Variants in HSPH1 observed in about 807,000 individuals in gnomAD.
HSPH1 encodes heat shock protein family H (Hsp110) member 1, also known as heat shock protein 105 kDa.
HSPH1 carries 40 observed loss-of-function variants against 100.0 expected under a neutral mutation model. The observed-to-expected ratio is 0.40, with a 90% confidence interval of 0.31 to 0.52. The LOEUF is 0.52. Among genes scored for constraint, HSPH1 ranks in the 20% least tolerant of loss-of-function variants. The pLI is 0.54. For missense variants in HSPH1, 876 were observed against 1,015.1 expected (o/e 0.86, Z 1.86); for synonymous variants, 403 against 344.0 (o/e 1.17, Z -1.90).
At chr13:31,151,536 TAA>T in intron 6 of HSPH1, 71 bp downstream of exon 6, 1 of 1,397,980 alleles carries the variant, frequency 7.2e-7, no homozygotes, top group Non-Finnish European at 9.7e-7. Context: ...AAAAGCCTAG[TAA>T]AGAGGCTCAG....
chr13:31,140,072 C>G (rs1244926130), intron 14 of HSPH1, 112 bp downstream of exon 14: 1 of 1,084,456 alleles, frequency 9.2e-7, no homozygotes, highest in African/African-American at 1.6e-5. Flanking sequence ...TTTTCTGTTT[C>G]TAAAAAGTTT....
In HSPH1 at chr13:31,148,483, TAAAAAA is replaced by T; in HGVS notation, c.1138-9_1138-4del. On this transcript the variant is annotated splice_polypyrimidine_tract_variant and splice_region_variant and intron_variant, in intron 8 of 17. Coordinates refer to ENST00000320027, the MANE Select transcript of HSPH1 (RefSeq NM_006644.4). ...AATGCCGGGGAAAGTATTGCACACT[TAAAAAA>T]AAAAAAAAAAATCATGAGCACATGA... is the stretch of plus-strand genomic sequence containing the variant. 4 of 985,042 alleles carry T rather than the reference TAAAAAA, an allele frequency of 4.1e-6. No homozygotes were observed. Among genetic ancestry groups the T allele is most frequent in the Non-Finnish European group, 5.5e-6 (4 of 727,140 alleles). 61.0% of individuals were successfully genotyped at this position (985,042 alleles called of 1,614,324 possible).
chr13:31,155,749 C>G, intron 2 of HSPH1, 95 bp from the exon 3 acceptor site: 1 of 1,098,852 alleles, frequency 9.1e-7, no homozygotes, highest in Non-Finnish European at 1.3e-6. Context: ...ACAACTCAAA[C>G]CAATCCTATG....
At chr13:31,138,589 C>A in intron 16 of HSPH1, 21 bp from the exon 17 acceptor site, 2 of 1,591,374 alleles carry the variant, frequency 1.3e-6, no homozygotes, top group South Asian at 2.3e-5. Flanking sequence ...ATAACACGGT[C>A]ATTCTGTAGA....
In HSPH1 at chr13:31,161,599, G is replaced by A; in HGVS notation, c.-17C>T. ...CACCGACATGGCCGGCTCGCGGTCC[G>A]CCTCCGCCTCGGGTCTCGGTCTGCG... is the stretch of plus-strand genomic sequence containing the variant. On this transcript the variant is annotated 5_prime_UTR_variant, in exon 1 of 18. Coordinates refer to ENST00000320027, the MANE Select transcript of HSPH1 (RefSeq NM_006644.4). 1.2e-6 allele frequency: 2 copies of A among 1,610,840 alleles called. No homozygotes were observed. The highest frequency in any genetic ancestry group is 1.1e-5 in the South Asian group (1 of 90,994).
At chr13:31,138,099 C>T (rs1418720718) in intron 17 of HSPH1, among the ~76,000 whole-genome samples, 1 of 152,012 alleles carries the variant, frequency 6.6e-6, no homozygotes, top group Admixed American at 6.6e-5. Flanking sequence ...CCTCCCATTA[C>T]AAGATGAGTT....
chr13:31,151,284 A>C, intron 6 of HSPH1, 93 bp from the exon 7 acceptor site: 1 of 991,678 alleles, frequency 1.0e-6, no homozygotes, highest in Non-Finnish European at 1.5e-6. Flanking sequence ...TGAAAGACTA[A>C]GAGACTCAAG....
In HSPH1 at chr13:31,151,594, A is replaced by C; in HGVS notation, c.663+15T>G. ...TAACGTGTTTTGGACACTGAGTTCC[A>C]ATGTATGACTTTACCTTCAATTTTC... On this transcript the variant is annotated intron_variant, in intron 6 of 17. Transcript: ENST00000320027. The C allele has an allele frequency of 6.2e-7, 1 of 1,604,670 alleles. No individual in the cohort carries two copies. The highest frequency in any genetic ancestry group is 8.5e-7 in the Non-Finnish European group (1 of 1,176,802).
intron 2 of HSPH1, among the ~76,000 whole-genome samples, chr13:31,156,117 G>A (rs7328745): frequency 0.021 from 3,245 of 152,286 alleles, 120 homozygotes; most frequent in African/African-American, 0.074. Flanking sequence ...TTGGCCAGGC[G>A]CGGTGGCTCA....
intron 10 of HSPH1, among the ~76,000 whole-genome samples, chr13:31,146,220 T>C (rs1956261393): frequency 6.6e-6 from 1 of 152,202 alleles, no homozygotes. Flanking sequence ...AGAACTGCTA[T>C]TGTAAAATCT....
chr13:31,143,505 T>C (rs1336519634), intron 12 of HSPH1, among the ~76,000 whole-genome samples: 1 of 152,164 alleles, frequency 6.6e-6, no homozygotes, highest in Non-Finnish European at 1.5e-5. Context: ...AAGATACCTC[T>C]GCTCTTTGAA....
At chr13:31,138,304 AG>A in intron 17 of HSPH1, 102 bp downstream of exon 17, 1 of 1,031,176 alleles carries the variant, frequency 9.7e-7, no homozygotes, top group Non-Finnish European at 1.5e-6. Context: ...AGTTAGGATG[AG>A]GTAAAAGATT....
chr13:31,161,263 G>A (rs4331230), intron 1 of HSPH1, among the ~76,000 whole-genome samples: 55,872 of 151,972 alleles, frequency 0.37, 11,373 homozygotes, highest in Non-Finnish European at 0.47. Context: ...TCACCCCCGT[G>A]AATCCCTGAG....
intron 4 of HSPH1, chr13:31,154,363 A>G (rs1956600834): frequency 2.1e-6 from 1 of 485,344 alleles, no homozygotes; most frequent in Non-Finnish European, 3.8e-6. Context: ...AACTAACTGT[A>G]TTAGAATACT....
intron 8 of HSPH1, among the ~76,000 whole-genome samples, chr13:31,148,954 A>T (rs974034900): frequency 5.9e-5 from 9 of 152,138 alleles, no homozygotes; most frequent in African/African-American, 2.2e-4. Context: ...TGGGAAAGGC[A>T]ACACCCAACA....
intron 14 of HSPH1, among the ~76,000 whole-genome samples, 192 bp downstream of exon 14, chr13:31,139,992 A>T (rs1469397084): frequency 6.6e-6 from 1 of 152,080 alleles, no homozygotes; most frequent in Non-Finnish European, 1.5e-5. Flanking sequence ...GGTAAAAATG[A>T]AGAGTTTTGG....
At chr13:31,140,372 T>C in intron 13 of HSPH1, 63 bp from the exon 14 acceptor site, 1 of 1,504,522 alleles carries the variant, frequency 6.6e-7, no homozygotes, top group Non-Finnish European at 9.0e-7. Context: ...ATTCTAAATA[T>C]GTAGACTCTG....
rs375813286 is a variant in HSPH1 at position 31,141,270 on chromosome 13, G to A, written c.1717-11C>T. ...TTTTTTTTCATTTGCCTTGGGAAGAGGAATAAAAAAAGGAAAAAATTTTAA... is the reference window on the plus strand; with the variant it reads ...TTTTTTTTCATTTGCCTTGGGAAGAAGAATAAAAAAAGGAAAAAATTTTAA... On this transcript the variant is annotated splice_polypyrimidine_tract_variant and intron_variant, in intron 12 of 17. Coordinates refer to ENST00000320027, the MANE Select transcript of HSPH1 (RefSeq NM_006644.4). The A allele has an allele frequency of 5.2e-5, 82 of 1,563,650 alleles. No individual in the cohort carries two copies. The African/African-American group carries it at 6.7e-4, about 13-fold the overall frequency.
Position 31,137,183 on chromosome 13 carries a change from T to G in HSPH1, c.*135A>C. 1 of 736,112 alleles carries G rather than the reference T, an allele frequency of 1.4e-6. No individual in the cohort carries two copies. Among genetic ancestry groups the G allele is most frequent in the East Asian group, 2.6e-5 (1 of 39,054 alleles). 45.6% of individuals were successfully genotyped at this position (736,112 alleles called of 1,614,324 possible). On this transcript the variant is annotated 3_prime_UTR_variant, in exon 18 of 18. Coordinates refer to ENST00000320027, the MANE Select transcript of HSPH1 (RefSeq NM_006644.4). ...AGACTACAGACTTAAGCTTTTTTTCTTTTTCCATATAATACACAAAATTTC... is the reference window on the plus strand; with the variant it reads ...AGACTACAGACTTAAGCTTTTTTTCGTTTTCCATATAATACACAAAATTTC...
Sources: gnomAD v4.1 joint callset for allele counts (sites outside exome capture counted in the v4.1 genomes callset) on GRCh38, gnomAD v4.1.1 for gene constraint, MANE v1.5 for transcripts, NCBI Gene and HGNC (gene_info 2026-07-23, HGNC 2026-07-21) for gene names.